Variants in SOX5 observed in about 807,000 individuals in gnomAD.
The protein encoded by SOX5 is transcription factor SOX-5.
Under a neutral mutation model 92.0 loss-of-function variants are expected in SOX5, and 9 were observed. That is an observed-to-expected ratio of 0.10 (90% CI 0.06 to 0.17). SOX5 has a LOEUF of 0.17. SOX5 is among the 10% of genes least tolerant of loss of function. The probability of loss-of-function intolerance (pLI) is 1.00; values close to 1 mark genes in which losing one functional copy is unlikely to be tolerated. For missense variants in SOX5, 642 were observed against 944.5 expected, an observed-to-expected ratio of 0.68 and a Z score of 4.20; for synonymous variants, 344 against 336.3, an observed-to-expected ratio of 1.02 and a Z score of -0.25.
At chr12:24,560,506 G>C (rs1954231530) in intron 1 of SOX5, among the ~76,000 whole-genome samples, 1 of 152,164 alleles carries the variant, frequency 6.6e-6, no homozygotes, top group African/African-American at 2.4e-5. Context: ...AATCATTGTG[G>C]CTGAATTTAT....
chr12:24,339,733 G>A (rs975585376), intron 2 of SOX5, among the ~76,000 whole-genome samples: 12 of 152,244 alleles, frequency 7.9e-5, no homozygotes, highest in Non-Finnish European at 2.9e-5. Flanking sequence ...TGACAGAAGT[G>A]GATATTTGAG....
chr12:23,649,084 T>C (rs534174941), intron 7 of SOX5, among the ~76,000 whole-genome samples: 9 of 152,286 alleles, frequency 5.9e-5, no homozygotes, highest in African/African-American at 2.2e-4. Flanking sequence ...AGTATGCTCC[T>C]GGTTACAACA....
chr12:23,986,428 C>T (rs10505920), intron 4 of SOX5, among the ~76,000 whole-genome samples: 34,097 of 151,948 alleles, frequency 0.22, 4,054 homozygotes, highest in African/African-American at 0.25. Context: ...ACTTTAGGTG[C>T]TCATTAAGTA....
chr12:24,258,987 C>T (rs552201778), intron 3 of SOX5, among the ~76,000 whole-genome samples: 1 of 152,294 alleles, frequency 6.6e-6, no homozygotes, highest in Non-Finnish European at 1.5e-5. Context: ...GGCTACCTCT[C>T]CAGGATGGAA....
chr12:24,139,776 G>A (rs1220536986), intron 4 of SOX5, among the ~76,000 whole-genome samples: 1 of 152,158 alleles, frequency 6.6e-6, no homozygotes, highest in African/African-American at 2.4e-5. Flanking sequence ...ATGGAGTCTC[G>A]CCTGAAGGAA....
At chr12:23,804,233 T>A (rs146385260) in intron 3 of SOX5, among the ~76,000 whole-genome samples, 2 of 152,128 alleles carry the variant, frequency 1.3e-5, no homozygotes, top group African/African-American at 4.8e-5. Context: ...GTAACAGAAA[T>A]ATGGGTGGCT....
intron 4 of SOX5, among the ~76,000 whole-genome samples, chr12:23,746,335 T>C (rs772327060): frequency 2.4e-4 from 36 of 152,134 alleles, no homozygotes; most frequent in Non-Finnish European, 4.6e-4. Flanking sequence ...TTTATTCACC[T>C]AGATTCAGGT....
chr12:23,647,014 T>G (rs2080944581), intron 7 of SOX5, among the ~76,000 whole-genome samples: 1 of 152,246 alleles, frequency 6.6e-6, no homozygotes, highest in African/African-American at 2.4e-5. Flanking sequence ...CTAGAAGGTT[T>G]TCAATAATTA....
At position 23,792,622 on chromosome 12, in the gene SOX5, C is replaced by CAAAAAAAAAAAAAA. The variant is rs749845598; in HGVS notation, c.482-36912_482-36899dup. 3.6e-4 allele frequency among the ~76,000 whole-genome samples: 14 copies of CAAAAAAAAAAAAAA among 38,962 alleles called. 1 individual carries two copies. The highest frequency in any genetic ancestry group is 2.5e-3 in the East Asian group (2 of 806). The allele number at this position is 38,962 out of a possible 152,430, so 25.6% of individuals were successfully genotyped here. A position where few individuals can be genotyped will look rare whatever the true frequency, so the allele number is the denominator to read the frequency against. Reference sequence around the variant, plus strand: ...TGGGCAATAGAGTGAGGCTCTGTCTCAAAAAAAAAAAAAAAAAAAAAAAAA... The same window carrying CAAAAAAAAAAAAAA: ...TGGGCAATAGAGTGAGGCTCTGTCTCAAAAAAAAAAAAAAAAAAAAAAAAAAAAAAAAAAAAAAA... On this transcript the variant is annotated intron_variant, in intron 3 of 14. Coordinates refer to ENST00000451604, the MANE Select transcript of SOX5 (RefSeq NM_006940.6).
chr12:24,301,921 C>T (rs1301865034), intron 2 of SOX5, among the ~76,000 whole-genome samples: 3 of 151,978 alleles, frequency 2.0e-5, no homozygotes, highest in Non-Finnish European at 4.4e-5. Flanking sequence ...TCTGATGAGA[C>T]AAGAAGTAAT....
chr12:23,832,752 AT>A (rs143624073), intron 3 of SOX5, among the ~76,000 whole-genome samples: 31 of 151,720 alleles, frequency 2.0e-4, no homozygotes, highest in African/African-American at 6.3e-4. Context: ...AAGTAAATAT[AT>A]TTTTTTACAA....
At chr12:23,939,612 A>T (rs1943233492) in intron 1 of SOX5, among the ~76,000 whole-genome samples, 3 of 150,966 alleles carry the variant, frequency 2.0e-5, no homozygotes, top group Non-Finnish European at 1.5e-5. Context: ...TTCTAAGTAG[A>T]GATAATGCGG....
chr12:23,823,751 C>G (rs2096173495), intron 3 of SOX5, among the ~76,000 whole-genome samples: 2 of 152,204 alleles, frequency 1.3e-5, no homozygotes, highest in Admixed American at 6.5e-5. Context: ...TTCAGGTACA[C>G]CAATCAAACG....
intron 1 of SOX5, among the ~76,000 whole-genome samples, chr12:24,450,161 T>A (rs527358684): frequency 6.6e-6 from 1 of 152,320 alleles, no homozygotes; most frequent in Non-Finnish European, 1.5e-5. Flanking sequence ...TTCACATTTA[T>A]GAAATTCACC....
chr12:23,659,322 G>A (rs914964392), intron 7 of SOX5, among the ~76,000 whole-genome samples: 6 of 152,142 alleles, frequency 3.9e-5, no homozygotes, highest in Non-Finnish European at 8.8e-5. Flanking sequence ...ATTTTATTGC[G>A]GTGTATGAGG....
At chr12:23,577,201 T>A (rs1425094510) in intron 9 of SOX5, among the ~76,000 whole-genome samples, 13 of 111,132 alleles carry the variant, frequency 1.2e-4, no homozygotes, top group South Asian at 2.8e-4. Context: ...ATTTTTTTTT[T>A]TTTTTTTTTT....
intron 1 of SOX5, among the ~76,000 whole-genome samples, chr12:23,901,441 C>A (rs926771669): frequency 1.3e-5 from 2 of 152,138 alleles, no homozygotes; most frequent in East Asian, 3.9e-4. Flanking sequence ...AATAATATAT[C>A]ATTGATTTAA....
chr12:24,176,446 A>G (rs1379353149), intron 4 of SOX5, among the ~76,000 whole-genome samples: 1 of 152,202 alleles, frequency 6.6e-6, no homozygotes, highest in Non-Finnish European at 1.5e-5. Context: ...GAGTAGAGAA[A>G]CAGTATATGT....
chr12:24,335,824 T>A (rs1565930473), intron 2 of SOX5, among the ~76,000 whole-genome samples: 1 of 151,560 alleles, frequency 6.6e-6, no homozygotes, highest in Non-Finnish European at 1.5e-5. Context: ...AAAAAAAGTT[T>A]TCAGACTAGG....
Sources: gnomAD v4.1 joint callset for allele counts (sites outside exome capture counted in the v4.1 genomes callset) on GRCh38, gnomAD v4.1.1 for gene constraint, MANE v1.5 for transcripts, NCBI Gene and HGNC (gene_info 2026-07-23, HGNC 2026-07-21) for gene names.